NELL2: variants seen among roughly 807,000 people sequenced by gnomAD.
The protein encoded by NELL2 is protein kinase C-binding protein NELL2.
In NELL2, 41 loss-of-function variants were observed where a neutral mutation model predicts 109.6. The observed-to-expected ratio is 0.37, with a 90% CI of 0.29 to 0.49. The LOEUF is 0.49. NELL2 is among the 20% of genes least tolerant of loss of function. The probability of loss-of-function intolerance (pLI) is 0.98; values close to 1 mark genes in which losing one functional copy is unlikely to be tolerated. For synonymous variants in NELL2, 355 were observed against 344.7 expected (o/e 1.03, Z -0.33); for missense variants, 900 against 1,008.3 (o/e 0.89, Z 1.45).
intron 12 of NELL2, among the ~76,000 whole-genome samples, chr12:44,701,536 C>G (rs1322839900): frequency 6.6e-6 from 1 of 152,128 alleles, no homozygotes; most frequent in Admixed American, 6.6e-5. Flanking sequence ...ATCTAAATCT[C>G]TGGCCCCTTT....
At chr12:44,644,629 T>TAA (rs1947020487) in intron 13 of NELL2, among the ~76,000 whole-genome samples, 2 of 92,436 alleles carry the variant, frequency 2.2e-5, no homozygotes, top group Non-Finnish European at 4.1e-5. Flanking sequence ...TATATATACA[T>TAA]ACATATATAT....
intron 3 of NELL2, among the ~76,000 whole-genome samples, chr12:44,794,845 T>C (rs1041148603): frequency 2.6e-5 from 4 of 152,206 alleles, no homozygotes; most frequent in African/African-American, 7.2e-5. Context: ...CTACCCTAAA[T>C]TGAAAATCAC....
chr12:44,513,895 A>G (rs1052375032), intron 19 of NELL2, among the ~76,000 whole-genome samples: 1 of 151,658 alleles, frequency 6.6e-6, no homozygotes, highest in African/African-American at 2.4e-5. Flanking sequence ...AAGTTTGGTG[A>G]AATGACATCA....
At chr12:44,629,346 C>A (rs1315443452) in intron 13 of NELL2, among the ~76,000 whole-genome samples, 1 of 152,122 alleles carries the variant, frequency 6.6e-6, no homozygotes, top group Admixed American at 6.6e-5. Flanking sequence ...ATAGGATTAT[C>A]TAGTCAATAG....
intron 1 of NELL2, among the ~76,000 whole-genome samples, chr12:44,892,120 G>A (rs553398527): frequency 3.3e-5 from 5 of 152,290 alleles, no homozygotes; most frequent in African/African-American, 9.6e-5. Context: ...GTGCATGGTT[G>A]GGAGTAGAAT....
chr12:44,550,710 T>G (rs1200264949), intron 15 of NELL2, among the ~76,000 whole-genome samples: 2 of 152,120 alleles, frequency 1.3e-5, no homozygotes, highest in Non-Finnish European at 2.9e-5. Flanking sequence ...TTCTGTTATT[T>G]GTGACAACAC....
At chr12:44,766,823 A>G (rs977172031) in intron 9 of NELL2, among the ~76,000 whole-genome samples, 23 of 152,202 alleles carry the variant, frequency 1.5e-4, no homozygotes, top group African/African-American at 5.5e-4. Flanking sequence ...AGATTTGCAT[A>G]ACGCTTTCTT....
At chr12:44,649,484 G>A (rs1947228309) in intron 13 of NELL2, among the ~76,000 whole-genome samples, 3 of 152,224 alleles carry the variant, frequency 2.0e-5, no homozygotes, top group South Asian at 4.1e-4. Context: ...GTAAGTGGAA[G>A]GCAAAGAGAT....
At chr12:44,616,185 A>G (rs1945818084) in intron 13 of NELL2, among the ~76,000 whole-genome samples, 1 of 152,160 alleles carries the variant, frequency 6.6e-6, no homozygotes, top group Non-Finnish European at 1.5e-5. Context: ...GTAACAGAAC[A>G]TAATATACCT....
Position 44,627,429 on chromosome 12 carries a change from C to CAAAAA in NELL2, c.1445-16464_1445-16460dup, listed in dbSNP as rs200944318. On this transcript the variant is annotated intron_variant, in intron 13 of 19. Transcript: ENST00000429094. ...TACTTCACAGAAAAAGCAGATGTAC[C>CAAAAA]AAAAAAAAAAAAAATCAGAACTGAA... Among the ~76,000 whole-genome samples the CAAAAA allele has an allele frequency of 3.6e-3, 506 of 139,730 alleles. 1 individual carries two copies. Among genetic ancestry groups the CAAAAA allele is most frequent in the African/African-American group, 0.012 (475 of 38,476 alleles). 91.7% of individuals were successfully genotyped at this position (139,730 alleles called of 152,430 possible).
intron 15 of NELL2, among the ~76,000 whole-genome samples, chr12:44,591,303 A>G (rs529770381): frequency 6.6e-6 from 1 of 152,160 alleles, no homozygotes; most frequent in Non-Finnish European, 1.5e-5. Context: ...GGAAATCAGA[A>G]TATTGAAGAG....
At chr12:44,872,771 G>C (rs531867886) in intron 2 of NELL2, among the ~76,000 whole-genome samples, 1 of 152,086 alleles carries the variant, frequency 6.6e-6, no homozygotes, top group Non-Finnish European at 1.5e-5. Flanking sequence ...AGCATCTCAC[G>C]GATTTTGTAA....
intron 12 of NELL2, among the ~76,000 whole-genome samples, chr12:44,682,174 G>A (rs1323610754): frequency 6.7e-6 from 1 of 150,162 alleles, no homozygotes; most frequent in South Asian, 2.1e-4. Context: ...GCCAGAGATG[G>A]TGAGCATTTT....
chr12:44,795,963 A>G (rs997148778), intron 3 of NELL2, among the ~76,000 whole-genome samples: 50 of 152,186 alleles, frequency 3.3e-4, no homozygotes, highest in African/African-American at 9.9e-4. Flanking sequence ...TTCATTCGGA[A>G]GACAGTATAA....
At chr12:44,806,406 T>C (rs1048256858) in intron 3 of NELL2, among the ~76,000 whole-genome samples, 8 of 151,866 alleles carry the variant, frequency 5.3e-5, no homozygotes, top group Non-Finnish European at 1.0e-4. Flanking sequence ...AAATCTGTTA[T>C]GAAATATGTA....
intron 14 of NELL2, among the ~76,000 whole-genome samples, chr12:44,608,988 TAAC>T (rs1207735930): frequency 1.3e-5 from 2 of 151,534 alleles, no homozygotes; most frequent in Admixed American, 6.6e-5. Context: ...AGTAAGAGAT[TAAC>T]AACAGTAATT....
intron 9 of NELL2, among the ~76,000 whole-genome samples, chr12:44,755,484 G>T (rs1211239518): frequency 6.6e-6 from 1 of 151,614 alleles, no homozygotes; most frequent in Non-Finnish European, 1.5e-5. Context: ...GAAGGATTCT[G>T]ACATCCATGT....
chr12:44,697,139 A>G (rs1171223127), intron 12 of NELL2, among the ~76,000 whole-genome samples: 5 of 152,230 alleles, frequency 3.3e-5, no homozygotes, highest in African/African-American at 1.2e-4. Flanking sequence ...CCAAACTTCT[A>G]ACTAAAGACC....
At chr12:44,740,967 T>C (rs1566280000) in intron 9 of NELL2, among the ~76,000 whole-genome samples, 1 of 152,182 alleles carries the variant, frequency 6.6e-6, no homozygotes, top group Non-Finnish European at 1.5e-5. Context: ...CTAACACTTA[T>C]ATGGAGCTTA....
Sources: allele counts gnomAD v4.1 joint callset (sites outside exome capture counted in the v4.1 genomes callset), GRCh38; gene constraint gnomAD v4.1.1; transcripts MANE v1.5; gene names NCBI Gene and HGNC (gene_info 2026-07-23, HGNC 2026-07-21).